The following SLC25A21 variants were observed in gnomAD, a reference collection of about 807,000 sequenced individuals.
The protein encoded by SLC25A21 is mitochondrial 2-oxodicarboxylate carrier.
A neutral mutation model predicts 43.8 loss-of-function variants in SLC25A21; 47 were observed. The ratio of observed to expected loss-of-function variants is 1.07; its 90% CI spans 0.85 to 1.37. The LOEUF (loss-of-function observed/expected upper bound fraction) is 1.37. Among genes scored for constraint, SLC25A21 ranks in the 40% most tolerant of loss-of-function variants. The pLI is 0.00. For missense variants in SLC25A21, 352 were observed against 350.2 expected (o/e 1.00, Z -0.04); for synonymous variants, 131 against 121.3 (o/e 1.08, Z -0.52).
intron 1 of SLC25A21, among the ~76,000 whole-genome samples, chr14:36,950,666 G>C (rs1892787459): frequency 6.6e-6 from 1 of 152,172 alleles, no homozygotes; most frequent in Non-Finnish European, 1.5e-5. Flanking sequence ...ACGGTGAACA[G>C]ACATAGCCCC....
At chr14:37,065,087 A>T (rs1468552087) in intron 1 of SLC25A21, among the ~76,000 whole-genome samples, 2 of 152,218 alleles carry the variant, frequency 1.3e-5, no homozygotes, top group Non-Finnish European at 2.9e-5. Flanking sequence ...GTATATATGT[A>T]TATGCTGGGA....
intron 1 of SLC25A21, among the ~76,000 whole-genome samples, chr14:37,114,798 A>T (rs375701145): frequency 1.1e-4 from 16 of 146,920 alleles, no homozygotes; most frequent in Non-Finnish European, 2.2e-4. Context: ...CGGGGGGGGA[A>T]TTGGTGGTTT....
At chr14:37,067,865 A>G (rs913157287) in intron 1 of SLC25A21, among the ~76,000 whole-genome samples, 8 of 152,254 alleles carry the variant, frequency 5.3e-5, no homozygotes, top group African/African-American at 1.9e-4. Context: ...ATTTAAAAGG[A>G]TAGGATTAAG....
intron 2 of SLC25A21, chr14:36,828,287 G>A (rs848059): frequency 0.96 from 146,054 of 152,296 alleles, 70,329 homozygotes; most frequent in East Asian, 1. Flanking sequence ...CCGGCTCCCT[G>A]TACATCCAGG....
At chr14:36,789,353 A>AG (rs1349615733) in intron 3 of SLC25A21, among the ~76,000 whole-genome samples, 1 of 151,990 alleles carries the variant, frequency 6.6e-6, no homozygotes. Context: ...TGGTATCTTC[A>AG]GGGAAAAAAA....
chr14:36,800,084 G>C (rs991059939), intron 3 of SLC25A21, among the ~76,000 whole-genome samples: 1 of 151,876 alleles, frequency 6.6e-6, no homozygotes, highest in Admixed American at 6.6e-5. Context: ...TTTAAATTTT[G>C]TTTTTGCAGA....
intron 1 of SLC25A21, among the ~76,000 whole-genome samples, chr14:36,918,154 C>A (rs1273374424): frequency 3.3e-5 from 5 of 152,164 alleles, no homozygotes; most frequent in African/African-American, 1.2e-4. Context: ...TACCCTCAGG[C>A]AGGCTTTCTT....
At chr14:36,870,258 A>C (rs1158574137) in intron 2 of SLC25A21, among the ~76,000 whole-genome samples, 1 of 152,224 alleles carries the variant, frequency 6.6e-6, no homozygotes, top group Non-Finnish European at 1.5e-5. Context: ...GGGCTGCATC[A>C]CAAATTACCA....
chr14:36,682,204 A>T (rs1357186472), intron 9 of SLC25A21, among the ~76,000 whole-genome samples: 1 of 151,818 alleles, frequency 6.6e-6, no homozygotes, highest in African/African-American at 2.4e-5. Context: ...TTCTTTAAAG[A>T]AAAAAATTTC....
chr14:37,077,335 C>T (rs545768925), intron 1 of SLC25A21, among the ~76,000 whole-genome samples: 1 of 152,172 alleles, frequency 6.6e-6, no homozygotes, highest in Non-Finnish European at 1.5e-5. Flanking sequence ...AACTTTACAA[C>T]ATCTGCTTTT....
At chr14:37,143,727 T>A (rs193178729) in intron 1 of SLC25A21, among the ~76,000 whole-genome samples, 1 of 152,124 alleles carries the variant, frequency 6.6e-6, no homozygotes, top group Admixed American at 6.6e-5. Context: ...TGAACACCTA[T>A]TGTGCTTTCC....
chr14:37,154,155 A>G (rs1054623534), intron 1 of SLC25A21, among the ~76,000 whole-genome samples: 3 of 152,246 alleles, frequency 2.0e-5, no homozygotes, highest in Admixed American at 2.0e-4. Flanking sequence ...CACCACTGTC[A>G]TCACTGGTGC....
intron 1 of SLC25A21, among the ~76,000 whole-genome samples, chr14:37,078,672 G>A (rs1962329881): frequency 6.6e-6 from 1 of 152,160 alleles, no homozygotes. Flanking sequence ...CAAAGGATTT[G>A]AAAAATGGAA....
At chr14:36,714,098 T>C (rs1884011062) in intron 6 of SLC25A21, among the ~76,000 whole-genome samples, 1 of 152,200 alleles carries the variant, frequency 6.6e-6, no homozygotes, top group South Asian at 2.1e-4. Flanking sequence ...GTAAACAACT[T>C]AGTCCATTCT....
At chr14:36,725,028 G>A (rs1453513480) in intron 6 of SLC25A21, 3 of 152,164 alleles carry the variant, frequency 2.0e-5, no homozygotes, top group Admixed American at 6.5e-5. Flanking sequence ...CAATAAACAA[G>A]TGTTTGTCCA....
At chr14:36,934,553 T>C (rs1892371500) in intron 1 of SLC25A21, among the ~76,000 whole-genome samples, 1 of 152,010 alleles carries the variant, frequency 6.6e-6, no homozygotes, top group African/African-American at 2.4e-5. Context: ...CACCAAGCAC[T>C]GACTGAAATT....
chr14:36,854,609 G>A (rs186780107), intron 2 of SLC25A21, among the ~76,000 whole-genome samples: 1 of 152,306 alleles, frequency 6.6e-6, no homozygotes, highest in East Asian at 1.9e-4. Context: ...CGAGAAGGTA[G>A]TTGCTAGTGA....
intron 1 of SLC25A21, among the ~76,000 whole-genome samples, chr14:36,972,646 C>A (rs118023297): frequency 6.6e-6 from 1 of 151,786 alleles, no homozygotes; most frequent in African/African-American, 2.4e-5. Context: ...TAGTAATTGA[C>A]GAGGGAGGTT....
intron 1 of SLC25A21, among the ~76,000 whole-genome samples, chr14:36,887,507 G>C (rs1234980086): frequency 6.7e-6 from 1 of 149,466 alleles, no homozygotes; most frequent in Non-Finnish European, 1.5e-5. Context: ...ATGTTGCAGT[G>C]AGCAGAGATC....
Sources: allele counts gnomAD v4.1 joint callset (sites outside exome capture counted in the v4.1 genomes callset), GRCh38; gene constraint gnomAD v4.1.1; transcripts MANE v1.5; gene names NCBI Gene and HGNC (gene_info 2026-07-23, HGNC 2026-07-21).